ADAMTS17: variants seen among roughly 807,000 people sequenced by gnomAD.
ADAMTS17 encodes the protein A disintegrin and metalloproteinase with thrombospondin motifs 17.
Under a neutral mutation model 141.5 loss-of-function variants are expected in ADAMTS17, and 113 were observed. The observed-to-expected ratio is 0.80, with a 90% CI of 0.69 to 0.93. The LOEUF (loss-of-function observed/expected upper bound fraction) is 0.93. Among genes scored for constraint, ADAMTS17 ranks in the 40% least tolerant of loss-of-function variants. ADAMTS17 has a pLI of 0.00. For synonymous variants in ADAMTS17, 768 were observed against 630.6 expected, an observed-to-expected ratio of 1.22 and a Z score of -3.27; for missense variants, 1,659 against 1,517.9, an observed-to-expected ratio of 1.09 and a Z score of -1.54.
At chr15:100,039,806 C>T (rs4965555) in intron 18 of ADAMTS17, among the ~76,000 whole-genome samples, 7,051 of 152,216 alleles carry the variant, frequency 0.046, 338 homozygotes, top group African/African-American at 0.12. Flanking sequence ...AAATCCACTA[C>T]TGAAAGTGAG....
At chr15:100,339,951 GT>G (rs1302097085) in intron 2 of ADAMTS17, among the ~76,000 whole-genome samples, 3 of 152,212 alleles carry the variant, frequency 2.0e-5, no homozygotes, top group Non-Finnish European at 4.4e-5. Context: ...CACAGACTCT[GT>G]GAGTAAGGGC....
In ADAMTS17 at chr15:100,225,680, C is replaced by G. The variant is rs189781995; in HGVS notation, c.1076-26257G>C. On this transcript the variant is annotated intron_variant, in intron 7 of 21. Coordinates refer to ENST00000268070, the MANE Select transcript of ADAMTS17 (RefSeq NM_139057.4). ...GGTCTCTGTGCCCATTCAGTCCTTACAGCAGTCACGGTCTCTGTGCCCATT... is the reference window on the plus strand; with the variant it reads ...GGTCTCTGTGCCCATTCAGTCCTTAGAGCAGTCACGGTCTCTGTGCCCATT... Among the ~76,000 whole-genome samples the G allele has an allele frequency of 5.6e-5, 8 of 143,626 alleles. No homozygotes were observed. In the East Asian group the frequency reaches 6.4e-4, roughly 12 times the overall value. 94.2% of individuals were successfully genotyped at this position (143,626 alleles called of 152,430 possible).
chr15:100,040,103 T>G (rs999539494), intron 18 of ADAMTS17, among the ~76,000 whole-genome samples: 1 of 152,250 alleles, frequency 6.6e-6, no homozygotes, highest in Non-Finnish European at 1.5e-5. Context: ...AAAAGAATCA[T>G]TCTTATCTGT....
At chr15:100,306,677 G>T (rs905870816) in intron 3 of ADAMTS17, 1 of 427,834 alleles carries the variant, frequency 2.3e-6, no homozygotes. Flanking sequence ...CTTTGGGGTA[G>T]CTCATCGTGC....
intron 8 of ADAMTS17, among the ~76,000 whole-genome samples, chr15:100,166,258 T>C (rs947022811): frequency 1.8e-4 from 27 of 152,376 alleles, no homozygotes; most frequent in Non-Finnish European, 3.7e-4. Context: ...TACAGATTGC[T>C]GCATGTTGGT....
At chr15:100,340,958 G>T (rs1020813373) in intron 2 of ADAMTS17, 81 bp downstream of exon 2, 2 of 1,504,454 alleles carry the variant, frequency 1.3e-6, no homozygotes, top group Non-Finnish European at 1.8e-6. Flanking sequence ...CAGCAGAGGC[G>T]CCCCACCCCC....
intron 17 of ADAMTS17, among the ~76,000 whole-genome samples, chr15:100,050,230 T>C (rs1161461144): frequency 6.6e-6 from 1 of 152,128 alleles, no homozygotes; most frequent in Non-Finnish European, 1.5e-5. Flanking sequence ...ATAAAAGGAT[T>C]GCCACCAAGC....
chr15:100,054,530 A>T lies in ADAMTS17; in HGVS notation c.2138-476T>A, dbSNP rs57078102. Among the ~76,000 whole-genome samples, 786 of 152,338 alleles carry T rather than the reference A, an allele frequency of 5.2e-3. 10 individuals carry two copies. Among genetic ancestry groups the T allele is most frequent in the African/African-American group, 0.018 (733 of 41,580 alleles). ...TCCTATTACCTACCTGGGGTTCCAGAAGGAGAAGAGCCCATCTCCAGCACC... is the reference window on the plus strand; with the variant it reads ...TCCTATTACCTACCTGGGGTTCCAGTAGGAGAAGAGCCCATCTCCAGCACC... On this transcript the variant is annotated intron_variant, in intron 15 of 21. Coordinates refer to ENST00000268070, the MANE Select transcript of ADAMTS17 (RefSeq NM_139057.4).
rs56163057 is a variant in ADAMTS17 at position 100,248,802 on chromosome 15, ATT to A, written c.1075+5332_1075+5333del. On this transcript the variant is annotated intron_variant, in intron 7 of 21. Transcript: ENST00000268070. ...AGGAGGAAGGGTCCTTCTGGTGTTA[ATT>A]TTTTTTTTTTTTTTGAGACAGTCTC... 4.8e-3 allele frequency among the ~76,000 whole-genome samples: 679 copies of A among 141,638 alleles called. 5 individuals are homozygous for A. Among genetic ancestry groups the A allele is most frequent in the African/African-American group, 0.016 (631 of 38,930 alleles). The allele number at this position is 141,638 out of a possible 152,430, so 92.9% of individuals were successfully genotyped here. A position where few individuals can be genotyped will look rare whatever the true frequency, so the allele number is the denominator to read the frequency against.
chr15:100,222,013 G>C (rs572019568), intron 7 of ADAMTS17, among the ~76,000 whole-genome samples: 1 of 152,306 alleles, frequency 6.6e-6, no homozygotes, highest in South Asian at 2.1e-4. Context: ...CAGTCAACCA[G>C]GTGGATTTGT....
rs192178341 is a variant in ADAMTS17 at position 100,177,517 on chromosome 15, C to T, written c.1181+21801G>A. The stretch of plus-strand genomic sequence containing the variant: ...ATAAGGTCAGAGAATATACCTTACA[C>T]GATCTCAATTCTTTTAAACTTGTTA... On this transcript the variant is annotated intron_variant, in intron 8 of 21. Coordinates refer to ENST00000268070, the MANE Select transcript of ADAMTS17 (RefSeq NM_139057.4). 4.5e-4 allele frequency among the ~76,000 whole-genome samples: 69 copies of T among 152,256 alleles called. 1 individual carries two copies. The highest frequency in any genetic ancestry group is 1.0e-3 in the Non-Finnish European group (68 of 67,988).
chr15:100,108,962 C>G, intron 14 of ADAMTS17, 27 bp downstream of exon 14: 1 of 1,612,950 alleles, frequency 6.2e-7, no homozygotes, highest in East Asian at 2.2e-5. Context: ...CAAAGCCCCA[C>G]CAAGGACCGA....
intron 12 of ADAMTS17, among the ~76,000 whole-genome samples, chr15:100,123,903 C>G (rs372891566): frequency 6.6e-6 from 1 of 152,000 alleles, no homozygotes; most frequent in Non-Finnish European, 1.5e-5. Context: ...GACCAGTCAT[C>G]GGGGTGTGAT....
At chr15:100,129,189 A>C (rs769306227) in intron 12 of ADAMTS17, 5 of 152,330 alleles carry the variant, frequency 3.3e-5, no homozygotes, top group Non-Finnish European at 5.9e-5. Flanking sequence ...CGTGCCAAGA[A>C]GACCAGTCTT....
intron 4 of ADAMTS17, among the ~76,000 whole-genome samples, chr15:100,277,412 C>A (rs745731619): frequency 6.6e-6 from 1 of 152,160 alleles, no homozygotes; most frequent in African/African-American, 2.4e-5. Flanking sequence ...GATCAAACAG[C>A]CACCCCTGCC....
At chr15:100,233,582 G>A (rs1486764488) in intron 7 of ADAMTS17, among the ~76,000 whole-genome samples, 3 of 152,094 alleles carry the variant, frequency 2.0e-5, no homozygotes, top group South Asian at 4.2e-4. Flanking sequence ...TGCAGTCGAT[G>A]GGAACACAGT....
chr15:100,075,098 G>C (rs1383546), intron 15 of ADAMTS17, among the ~76,000 whole-genome samples: 126,942 of 152,110 alleles, frequency 0.83, 55,019 homozygotes, highest in South Asian at 0.96. Context: ...TGTAACTTAT[G>C]AGATGCAATT....
chr15:100,007,821 G>T (rs540481508), intron 18 of ADAMTS17, among the ~76,000 whole-genome samples: 6 of 152,106 alleles, frequency 3.9e-5, no homozygotes, highest in Non-Finnish European at 8.8e-5. Context: ...CATAGGGCTG[G>T]AAAGTCATGA....
chr15:99,977,386 ATATATATATATATAATTT>A (rs2060377778), intron 20 of ADAMTS17, among the ~76,000 whole-genome samples: 1 of 11,472 alleles, frequency 8.7e-5, no homozygotes, highest in Non-Finnish European at 1.7e-4. Flanking sequence ...ATATATATAT[ATATATATATATATAATTT>A]TTTTTTTTTT....
Sources: allele counts gnomAD v4.1 joint callset (sites outside exome capture counted in the v4.1 genomes callset), GRCh38; gene constraint gnomAD v4.1.1; transcripts MANE v1.5; gene names NCBI Gene and HGNC (gene_info 2026-07-23, HGNC 2026-07-21).